ADCY1: variants seen among roughly 807,000 people sequenced by gnomAD.
ADCY1 encodes adenylate cyclase 1.
Under a neutral mutation model 105.4 loss-of-function variants are expected in ADCY1, and 28 were observed. The ratio of observed to expected loss-of-function variants is 0.27; its 90% confidence interval spans 0.20 to 0.36. The LOEUF (loss-of-function observed/expected upper bound fraction) is 0.36, where lower values mean the gene tolerates loss of function less well. ADCY1 is among the 10% of genes least tolerant of loss of function. The pLI is 1.00. For missense variants in ADCY1, 977 were observed against 1,434.2 expected, an observed-to-expected ratio of 0.68 and a Z score of 5.15; for synonymous variants, 655 against 623.8, an observed-to-expected ratio of 1.05 and a Z score of -0.75.
intron 18 of ADCY1, among the ~76,000 whole-genome samples, chr7:45,709,534 T>C (rs1785184928): frequency 6.6e-6 from 1 of 152,110 alleles, no homozygotes; most frequent in African/African-American, 2.4e-5. Flanking sequence ...TCCTTTGGGG[T>C]TCTTCTCTGA....
chr7:45,709,752 G>C (rs1382160798), intron 18 of ADCY1, among the ~76,000 whole-genome samples: 2 of 152,246 alleles, frequency 1.3e-5, no homozygotes, highest in Non-Finnish European at 2.9e-5. Context: ...GTGGCTGCCA[G>C]CAGGCTGTAA....
chr7:45,589,259 G>A (rs531128771), intron 1 of ADCY1, among the ~76,000 whole-genome samples: 1 of 152,332 alleles, frequency 6.6e-6, no homozygotes, highest in South Asian at 2.1e-4. Flanking sequence ...GGCCTGGCTG[G>A]TGTGGGCAGC....
chr7:45,593,106 T>C (rs1252499921), intron 2 of ADCY1, among the ~76,000 whole-genome samples, 198 bp downstream of exon 2: 1 of 152,192 alleles, frequency 6.6e-6, no homozygotes, highest in East Asian at 1.9e-4. Flanking sequence ...CTGAGTTTGC[T>C]GCCCATGGGA....
Position 45,713,900 on chromosome 7 carries a change from G to C in ADCY1, c.3265G>C (p.Val1089Leu), listed in dbSNP as rs749731471. 1 of 780,514 alleles carries C rather than the reference G, an allele frequency of 1.3e-6. No homozygotes were observed. Among genetic ancestry groups the C allele is most frequent in the African/African-American group, 1.7e-5 (1 of 59,154 alleles). 48.3% of individuals were successfully genotyped at this position (780,514 alleles called of 1,614,324 possible). A position where few individuals can be genotyped will look rare whatever the true frequency, so the allele number is the denominator to read the frequency against. ...TGGCCTTCAGGGCAGACGTCCCCCC[G>C]TGTGCCCCATGCCTGGCGTCTCAGT... ...RAGLQGRRPP[V>L]CPMPGVSVRA... Residue 1089 changes from valine (V) to leucine (L), a missense_variant, in exon 20 of 20, where the codon GTG becomes CTG. Around this residue, in one of 7 missense-constraint regions of ADCY1, gnomAD observed 78 missense variants for 60.0 expected, o/e 1.30. Coordinates refer to ENST00000297323, the MANE Select transcript of ADCY1 (RefSeq NM_021116.4).
chr7:45,611,819 C>T (rs1201717374), intron 3 of ADCY1, among the ~76,000 whole-genome samples: 1 of 152,132 alleles, frequency 6.6e-6, no homozygotes, highest in Non-Finnish European at 1.5e-5. Flanking sequence ...GGACCTGAAA[C>T]ACTTTTCCTT....
At chr7:45,685,724 G>C (rs1347093647) in intron 12 of ADCY1, among the ~76,000 whole-genome samples, 1 of 152,208 alleles carries the variant, frequency 6.6e-6, no homozygotes, top group Non-Finnish European at 1.5e-5. Context: ...GGGCTGGGGA[G>C]CAGGCAGGGC....
chr7:45,695,275 C>T (rs1270364426), intron 14 of ADCY1, among the ~76,000 whole-genome samples: 2 of 152,338 alleles, frequency 1.3e-5, no homozygotes, highest in Non-Finnish European at 2.9e-5. Context: ...ATTCCTGTTA[C>T]TCCATCTTTT....
chr7:45,691,339 G>A (rs966556611), intron 14 of ADCY1, among the ~76,000 whole-genome samples: 2 of 152,210 alleles, frequency 1.3e-5, no homozygotes, highest in African/African-American at 4.8e-5. Flanking sequence ...TCCACAGATA[G>A]GTAACAACAA....
intron 3 of ADCY1, among the ~76,000 whole-genome samples, chr7:45,611,538 A>G (rs1731971387): frequency 6.6e-6 from 1 of 151,624 alleles, no homozygotes; most frequent in South Asian, 2.1e-4. Flanking sequence ...TGTTCATTTC[A>G]TGACAGCCCT....
At chr7:45,622,492 CT>C (rs1190339112) in intron 3 of ADCY1, 139 bp from the exon 4 acceptor site, 1 of 644,600 alleles carries the variant, frequency 1.6e-6, no homozygotes, top group African/African-American at 1.8e-5. Context: ...ACCAGGAAGC[CT>C]TCATTTCTGG....
chr7:45,610,854 A>AAATGTGGAG, intron 3 of ADCY1, among the ~76,000 whole-genome samples: 1 of 2,528 alleles, frequency 4.0e-4, no homozygotes, highest in African/African-American at 1.5e-3. Context: ...GCGATATTGG[A>AAATGTGGAG]GTTGTGGAGA....
intron 1 of ADCY1, among the ~76,000 whole-genome samples, chr7:45,577,417 A>C (rs970709230): frequency 6.6e-6 from 1 of 152,186 alleles, no homozygotes; most frequent in Non-Finnish European, 1.5e-5. Context: ...CTGCTTTCCA[A>C]TTAGAGAATT....
chr7:45,592,848 C>T lies in ADCY1; in HGVS notation c.729C>T (p.Phe243=), dbSNP rs1450094832. 3 of 1,614,096 alleles carry T rather than the reference C, an allele frequency of 1.9e-6. No individual in the cohort carries two copies. Among genetic ancestry groups the T allele is most frequent in the African/African-American group, 1.3e-5 (1 of 74,932 alleles). ...CTGAGCGTTCACAGAGGAAGGCGTT[C>T]CTGCAGGCCCGGAGCTGCATTGAGG... ...ILTERSQRKA[F]LQARSCIEDR... is the part of the protein sequence containing the mutation. Residue 243 remains phenylalanine (F), a synonymous_variant, in exon 2 of 20, where the codon TTC becomes TTT. Transcript: ENST00000297323.
At chr7:45,650,116 C>T (rs1013365365) in intron 5 of ADCY1, among the ~76,000 whole-genome samples, 1 of 152,168 alleles carries the variant, frequency 6.6e-6, no homozygotes, top group African/African-American at 2.4e-5. Context: ...TATGTTGCAT[C>T]TCAGATGACA....
Position 45,710,635 on chromosome 7 carries a change from G to T in ADCY1, c.3040G>T (p.Val1014Phe). 1 of 1,613,756 alleles carries T rather than the reference G, an allele frequency of 6.2e-7. No homozygotes were observed. The highest frequency in any genetic ancestry group is 8.5e-7 in the Non-Finnish European group (1 of 1,179,864). The change falls in exon 19 of 20, where the codon GTC (valine) becomes TTC (phenylalanine). Residue 1014 changes from valine to phenylalanine, a missense_variant. By Grantham distance (50) the Val-to-Phe change is conservative (BLOSUM62 -1). Coordinates refer to ENST00000297323, the MANE Select transcript of ADCY1 (RefSeq NM_021116.4). The surrounding 1 kb of genome is among the most constrained non-coding windows in gnomAD (Gnocchi z 4.7). ...NVASRMDSTGVQGRIQVTEEV... is the reference protein window; with the variant it reads ...NVASRMDSTGFQGRIQVTEEV... ...GGCCAGTCGGATGGATAGCACAGGGGTCCAGGGCAGAATCCAGGTCAGTTC... is the reference window on the plus strand; with the variant it reads ...GGCCAGTCGGATGGATAGCACAGGGTTCCAGGGCAGAATCCAGGTCAGTTC...
Position 45,608,785 on chromosome 7 carries a change from G to A in ADCY1, c.790-1594G>A, listed in dbSNP as rs188557496. 2.0e-3 allele frequency among the ~76,000 whole-genome samples: 304 copies of A among 152,256 alleles called. 2 individuals carry two copies. Among genetic ancestry groups the A allele is most frequent in the African/African-American group, 6.3e-3 (262 of 41,552 alleles). ...AAGGTGGAGGCCACATGGGGGCTGC[G>A]GCAGAGCTTCATGGGAGCTACTTGG... On this transcript the variant is annotated intron_variant, in intron 2 of 19. Transcript: ENST00000297323.
intron 17 of ADCY1, among the ~76,000 whole-genome samples, chr7:45,707,946 A>C (rs1333120291): frequency 6.6e-6 from 1 of 152,240 alleles, no homozygotes; most frequent in African/African-American, 2.4e-5. Context: ...GGACCTTGTC[A>C]CACACATACA....
intron 2 of ADCY1, among the ~76,000 whole-genome samples, chr7:45,598,056 A>C (rs560511349): frequency 6.6e-6 from 1 of 152,224 alleles, no homozygotes; most frequent in South Asian, 2.1e-4. Context: ...AAGAAGGTCA[A>C]GGTACTAAGA....
chr7:45,618,368 A>G (rs1793797794), intron 3 of ADCY1, among the ~76,000 whole-genome samples: 1 of 152,232 alleles, frequency 6.6e-6, no homozygotes, highest in African/African-American at 2.4e-5. Flanking sequence ...GACAAAAACT[A>G]GAGAAATGGG....
Sources: allele counts gnomAD v4.1 joint callset (sites outside exome capture counted in the v4.1 genomes callset), GRCh38; gene constraint gnomAD v4.1.1; regional missense constraint gnomAD v4.1.1; non-coding constraint Gnocchi (gnomAD v3.1); transcripts MANE v1.5; gene names NCBI Gene and HGNC (gene_info 2026-07-23, HGNC 2026-07-21).